ZBTB18: variants seen among roughly 807,000 people sequenced by gnomAD.
ZBTB18 encodes the protein zinc finger and BTB domain containing 18.
ZBTB18 carries 2 observed loss-of-function variants against 37.7 expected under a neutral mutation model. That is an observed-to-expected ratio of 0.05 (90% CI 0.02 to 0.17). The LOEUF (loss-of-function observed/expected upper bound fraction) is 0.17. ZBTB18 is among the 10% of genes least tolerant of loss of function. ZBTB18 has a pLI of 1.00. For synonymous variants in ZBTB18, 304 were observed against 276.5 expected (o/e 1.10, Z -0.99); for missense variants, 408 against 686.3 (o/e 0.59, Z 4.53).
chr1:244,054,514 G>A lies in ZBTB18; in HGVS notation c.740G>A (p.Cys247Tyr). 5 of 1,614,240 alleles carry A rather than the reference G, an allele frequency of 3.1e-6. No homozygotes were observed. The highest frequency in any genetic ancestry group is 4.2e-6 in the Non-Finnish European group (5 of 1,180,044). Residue 247 changes from cysteine (C) to tyrosine (Y), a missense_variant, in exon 2 of 2, where the codon TGT (cysteine) becomes TAT (tyrosine). Physicochemically the swap from Cys to Tyr is radical, Grantham distance 194. This residue lies in a region of ZBTB18 where 266 missense variants were observed against 312.0 expected (regional missense o/e 0.85). Transcript: ENST00000358704. The surrounding 1 kb of genome is among the most constrained non-coding windows in gnomAD (Gnocchi z 9.0). The part of the protein sequence containing the change: ...TSVRDSADVD[C>Y]VLDLSVKSSL... ...GTGAGGGATTCGGCAGATGTTGACTGTGTGCTGGACCTGTCTGTCAAGTCC... is the reference window on the plus strand; with the variant it reads ...GTGAGGGATTCGGCAGATGTTGACTATGTGCTGGACCTGTCTGTCAAGTCC...
Position 244,054,335 on chromosome 1 carries a change from C to T in ZBTB18, c.561C>T (p.Ala187=), listed in dbSNP as rs549802848. 4.3e-5 allele frequency: 69 copies of T among 1,614,038 alleles called. No individual in the cohort carries two copies. The highest frequency in any genetic ancestry group is 5.6e-5 in the Non-Finnish European group (66 of 1,180,046). ...NILPSKRDLA[A]EPGNMWMRLP... is the part of the protein sequence containing the mutation. ...TGCCCAGCAAAAGGGACTTGGCGGC[C>T]GAGCCTGGGAACATGTGGATGCGAT... Residue 187 remains alanine, a synonymous_variant, in exon 2 of 2, where the codon GCC becomes GCT. Coordinates refer to ENST00000358704, the MANE Select transcript of ZBTB18 (RefSeq NM_205768.3). The surrounding 1 kb of genome is among the most constrained non-coding windows in gnomAD (Gnocchi z 9.0).
upstream of ZBTB18, among the ~76,000 whole-genome samples, chr1:244,048,628 G>GCCGCCC (rs1698280456): frequency 3.8e-5 from 3 of 79,442 alleles, no homozygotes; most frequent in Non-Finnish European, 8.9e-5. Flanking sequence ...CCCCGCGCCC[G>GCCGCCC]CCCCCCCCCC....
At chr1:244,052,113 C>T (rs1407644199) in intron 1 of ZBTB18, among the ~76,000 whole-genome samples, 1 of 152,196 alleles carries the variant, frequency 6.6e-6, no homozygotes, top group East Asian at 1.9e-4. Context: ...TAGATTTGAG[C>T]TGCCTGAATT....
upstream of ZBTB18, among the ~76,000 whole-genome samples, chr1:244,049,768 C>T (rs980086720): frequency 7.9e-5 from 12 of 152,106 alleles, no homozygotes; most frequent in African/African-American, 2.9e-4. Flanking sequence ...GCACCCCCGC[C>T]CCCACCTCTC....
At chr1:244,050,646 A>T (rs1010463810), upstream of ZBTB18, among the ~76,000 whole-genome samples, 1 of 152,146 alleles carries the variant, frequency 6.6e-6, no homozygotes, top group East Asian at 1.9e-4. Flanking sequence ...GGTACCGAGA[A>T]TTGAAATTTG....
chr1:244,053,619 C>A lies in ZBTB18; in HGVS notation c.14-169C>A. 1 of 550,696 alleles carries A rather than the reference C, an allele frequency of 1.8e-6. No homozygotes were observed. The highest frequency in any genetic ancestry group is 2.3e-6 in the Non-Finnish European group (1 of 432,614). 34.1% of individuals were successfully genotyped at this position (550,696 alleles called of 1,614,324 possible). A position where few individuals can be genotyped will look rare whatever the true frequency, so the allele number is the denominator to read the frequency against. ...CAGAAAGTGTGCATTTTCCTTCTGG[C>A]ATTTAGGTCTTGTCCGTGTGATTTG... On this transcript the variant is annotated intron_variant, in intron 1 of 1. Coordinates refer to ENST00000358704, the MANE Select transcript of ZBTB18 (RefSeq NM_205768.3). The surrounding 1 kb of genome is among the most constrained non-coding windows in gnomAD (Gnocchi z 5.2).
Position 244,051,407 on chromosome 1 carries a change from C to A in ZBTB18, c.-25C>A. ...TAACAGACCTGGAGCCAGCAGGACT[C>A]AGAGGAAAGGACTTAATCAGGTTTA... On this transcript the variant is annotated 5_prime_UTR_variant, in exon 1 of 2. Transcript: ENST00000358704. 6.2e-7 allele frequency: 1 copy of A among 1,613,940 alleles called. No individual in the cohort carries two copies. Among genetic ancestry groups the A allele is most frequent in the Non-Finnish European group, 8.5e-7 (1 of 1,179,926 alleles).
At chr1:244,048,946 C>T (rs1458379196), upstream of ZBTB18, 2 of 159,150 alleles carry the variant, frequency 1.3e-5, no homozygotes. Flanking sequence ...GAGGAGGAGG[C>T]GGAGGACGCG....
At position 244,054,110 on chromosome 1, in the gene ZBTB18, T is replaced by C. The variant is rs1448994621; in HGVS notation, c.336T>C (p.Tyr112=). The C allele has an allele frequency of 1.2e-6, 2 of 1,613,998 alleles. No homozygotes were observed. Among genetic ancestry groups the C allele is most frequent in the African/African-American group, 1.3e-5 (1 of 74,956 alleles). Residue 112 remains tyrosine (Y), a synonymous_variant, in exon 2 of 2, where the codon TAT becomes TAC. Coordinates refer to ENST00000358704, the MANE Select transcript of ZBTB18 (RefSeq NM_205768.3). This position sits in a 1 kb window ranked among gnomAD's most constrained non-coding sequence, Gnocchi z 9.0. ...AAGACGTGCTAGCAGCTGCCAGTTA[T>C]CTCCACATGTATGACATTGTCAAAG... The part of the protein sequence containing the change: ...PIEDVLAAAS[Y]LHMYDIVKVC...
Position 244,051,458 on chromosome 1 carries a change from G to T in ZBTB18, c.13+14G>T. 6.2e-7 allele frequency: 1 copy of T among 1,613,932 alleles called. No individual in the cohort carries two copies. On this transcript the variant is annotated intron_variant, in intron 1 of 1. Coordinates refer to ENST00000358704, the MANE Select transcript of ZBTB18 (RefSeq NM_205768.3). ...TGTGTCCTAAAGGTAGGAGTAGCAA[G>T]AGATTAGATTGAGCATATTTCTGTT... is the stretch of plus-strand genomic sequence containing the variant.
In ZBTB18 at chr1:244,053,102, CCTT is replaced by C. The variant is rs1331392591; in HGVS notation, c.14-683_14-681del. 3.3e-5 allele frequency among the ~76,000 whole-genome samples: 5 copies of C among 152,284 alleles called. No homozygotes were observed. The highest frequency in any genetic ancestry group is 3.3e-4 in the Admixed American group (5 of 15,304). Reference sequence around the variant, plus strand: ...ATCTTTTCCATCTGTTGGTGCAGCTCCTTCTGATCTCGTACATGTGTGCTATAC... The same window carrying C: ...ATCTTTTCCATCTGTTGGTGCAGCTCCTGATCTCGTACATGTGTGCTATAC... On this transcript the variant is annotated intron_variant, in intron 1 of 1. Transcript: ENST00000358704. The surrounding 1 kb of genome is among the most constrained non-coding windows in gnomAD (Gnocchi z 5.2).
In ZBTB18 at chr1:244,055,133, C is replaced by G. The variant is rs1234331529; in HGVS notation, c.1359C>G (p.Gly453=). The G allele has an allele frequency of 1.9e-6, 3 of 1,614,150 alleles. No individual in the cohort carries two copies. Among genetic ancestry groups the G allele is most frequent in the Non-Finnish European group, 2.5e-6 (3 of 1,180,046 alleles). The change falls in exon 2 of 2, where the codon GGC becomes GGG. Residue 453 remains glycine, a synonymous_variant. Transcript: ENST00000358704. The surrounding 1 kb of genome is among the most constrained non-coding windows in gnomAD (Gnocchi z 7.0). The stretch of plus-strand genomic sequence containing the variant: ...AGCCCTACACATGCACCCAGTGCGG[C>G]AAGAGCTTCCAGTACTCGCACAACC... ...GEKPYTCTQC[G]KSFQYSHNLS...
Position 244,053,076 on chromosome 1 carries a change from G to A in ZBTB18, c.14-712G>A, listed in dbSNP as rs1317220424. On this transcript the variant is annotated intron_variant, in intron 1 of 1. Transcript: ENST00000358704. This position sits in a 1 kb window ranked among gnomAD's most constrained non-coding sequence, Gnocchi z 5.2. ...CTTTGGATTTGTTCATAGTAAAGATGATCTTTTCCATCTGTTGGTGCAGCT... is the reference window on the plus strand; with the variant it reads ...CTTTGGATTTGTTCATAGTAAAGATAATCTTTTCCATCTGTTGGTGCAGCT... 6.6e-6 allele frequency among the ~76,000 whole-genome samples: 1 copy of A among 152,170 alleles called. No individual in the cohort carries two copies. The highest frequency in any genetic ancestry group is 1.5e-5 in the Non-Finnish European group (1 of 68,022).
rs1327149411 is a variant in ZBTB18, at chr1:244,054,688, C to T, written c.914C>T (p.Thr305Ile). 1.2e-6 allele frequency: 2 copies of T among 1,614,184 alleles called. No homozygotes were observed. The highest frequency in any genetic ancestry group is 1.7e-6 in the Non-Finnish European group (2 of 1,180,044). ...AATGACTATGACATGGAACATAGCA[C>T]TGTGAAAGAAAGTGTGAGCACTAAT... ...GTNDYDMEHS[T>I]VKESVSTNNR... The change falls in exon 2 of 2, where the codon ACT becomes ATT. Residue 305 changes from threonine (T) to isoleucine (I), a missense_variant. By Grantham distance (89) the Thr-to-Ile change is moderately conservative. This residue lies in a region of ZBTB18 where 266 missense variants were observed against 312.0 expected (regional missense o/e 0.85). Transcript: ENST00000358704. The surrounding 1 kb of genome is among the most constrained non-coding windows in gnomAD (Gnocchi z 9.0).
chr1:244,049,777 TCTGAAAAACAAAACCCCAACCTCA>T (rs1273678466), upstream of ZBTB18, among the ~76,000 whole-genome samples: 17 of 144,006 alleles, frequency 1.2e-4, no homozygotes, highest in African/African-American at 2.6e-5. Context: ...CCCCCACCTC[TCTGAAAAACAAAACCCCAACCTCA>T]CAAAACCTCT....
Position 244,054,644 on chromosome 1 carries a change from T to C in ZBTB18, c.870T>C (p.Asp290=). 3.7e-6 allele frequency: 6 copies of C among 1,614,142 alleles called. No homozygotes were observed. The highest frequency in any genetic ancestry group is 5.1e-6 in the Non-Finnish European group (6 of 1,180,018). The change falls in exon 2 of 2, where the codon GAT becomes GAC. Residue 290 remains aspartate, a synonymous_variant. Transcript: ENST00000358704. This position sits in a 1 kb window ranked among gnomAD's most constrained non-coding sequence, Gnocchi z 9.0. ...QVKVEKEASC[D]ESDVGTNDYD... is the part of the protein sequence containing the mutation. ...AGGTGGAGAAAGAGGCTTCCTGTGA[T>C]GAGAGTGATGTTGGCACTAATGACT...
chr1:244,051,312 ATC>A lies in ZBTB18; in HGVS notation c.-117_-116del, dbSNP rs943183722. 7 of 1,052,258 alleles carry A rather than the reference ATC, an allele frequency of 6.7e-6. No homozygotes were observed. The highest frequency in any genetic ancestry group is 1.0e-5 in the Non-Finnish European group (7 of 693,160). The allele number at this position is 1,052,258 out of a possible 1,614,324, so 65.2% of individuals were successfully genotyped here. ...TGTGCGGATCTGTGGTGGAGAAGGT[ATC>A]TCATTCCTCTCTAACATCATCTCCA... is the stretch of plus-strand genomic sequence containing the variant. On this transcript the variant is annotated 5_prime_UTR_variant, in exon 1 of 2. Coordinates refer to ENST00000358704, the MANE Select transcript of ZBTB18 (RefSeq NM_205768.3).
chr1:244,055,269 T>C lies in ZBTB18; in HGVS notation c.1495T>C (p.Cys499Arg). The change falls in exon 2 of 2, where the codon TGT becomes CGT. Residue 499 changes from cysteine (C) to arginine (R), a missense_variant. Around this residue, in one of 4 missense-constraint regions of ZBTB18, gnomAD observed 22 missense variants for 38.3 expected, o/e 0.57. Transcript: ENST00000358704. The surrounding 1 kb of genome is among the most constrained non-coding windows in gnomAD (Gnocchi z 7.0). ...DLYRHIRKFH[C>R]ELVNSLSVKS... ...GTACAGACACATTCGCAAGTTCCAC[T>C]GTGAGTTGGTGAACTCCTTGTCGGT... is the stretch of plus-strand genomic sequence containing the variant. 6.2e-7 allele frequency: 1 copy of C among 1,614,008 alleles called. No homozygotes were observed. The highest frequency in any genetic ancestry group is 8.5e-7 in the Non-Finnish European group (1 of 1,179,984).
upstream of ZBTB18, chr1:244,048,911 C>T: frequency 1.2e-5 from 2 of 160,022 alleles, no homozygotes; most frequent in Non-Finnish European, 2.6e-5. Context: ...AGTCCGGCGG[C>T]GGCGGCGGCG....
Sources: gnomAD v4.1 joint callset for allele counts (sites outside exome capture counted in the v4.1 genomes callset) on GRCh38, gnomAD v4.1.1 for gene constraint, gnomAD v4.1.1 regional missense constraint, Gnocchi (gnomAD v3.1) non-coding constraint, MANE v1.5 for transcripts, NCBI Gene and HGNC (gene_info 2026-07-23, HGNC 2026-07-21) for gene names.